The following MSI2 variants were observed in gnomAD, a reference collection of about 807,000 sequenced individuals.
MSI2 encodes RNA-binding protein Musashi homolog 2.
In MSI2, 17 loss-of-function variants were observed where a neutral mutation model predicts 45.6. The ratio of observed to expected loss-of-function variants is 0.37; its 90% CI spans 0.26 to 0.56. The LOEUF (loss-of-function observed/expected upper bound fraction) is 0.56, where lower values mean the gene tolerates loss of function less well. Ranked by LOEUF, MSI2 falls within the 20% of genes least tolerant of loss-of-function variation. MSI2 has a pLI of 0.77. For missense variants in MSI2, 293 were observed against 444.2 expected, an observed-to-expected ratio of 0.66 and a Z score of 3.06; for synonymous variants, 156 against 158.2, an observed-to-expected ratio of 0.99 and a Z score of 0.11.
chr17:57,537,485 A>T (rs2086945931), intron 7 of MSI2, among the ~76,000 whole-genome samples: 1 of 152,240 alleles, frequency 6.6e-6, no homozygotes, highest in African/African-American at 2.4e-5. Context: ...AAATTGGTGC[A>T]AACATGACCT....
At chr17:57,256,898 C>A in intron 1 of MSI2, 94 bp downstream of exon 1, 1 of 514,400 alleles carries the variant, frequency 1.9e-6, no homozygotes, top group Non-Finnish European at 2.9e-6. Flanking sequence ...ATCTCCCGCG[C>A]CCCCCCGCCT....
intron 6 of MSI2, among the ~76,000 whole-genome samples, chr17:57,408,605 G>C (rs4794729): frequency 0.98 from 149,215 of 151,988 alleles, 73,302 homozygotes; most frequent in East Asian, 1. Context: ...GGGCGGGGGG[G>C]CGGTATGAAG....
chr17:57,357,021 G>GC (rs1221168677), intron 5 of MSI2, among the ~76,000 whole-genome samples: 1 of 152,080 alleles, frequency 6.6e-6, no homozygotes, highest in Non-Finnish European at 1.5e-5. Context: ...GCTGCCCAGG[G>GC]CCCATTCAGT....
At chr17:57,488,549 G>A (rs1293969499) in intron 6 of MSI2, among the ~76,000 whole-genome samples, 1 of 152,098 alleles carries the variant, frequency 6.6e-6, no homozygotes, top group Admixed American at 6.5e-5. Flanking sequence ...CTGGCCGGGC[G>A]CAGTGGCTCA....
intron 10 of MSI2, among the ~76,000 whole-genome samples, chr17:57,647,385 G>A (rs370783546): frequency 3.3e-4 from 49 of 150,282 alleles, no homozygotes; most frequent in African/African-American, 1.2e-3. Flanking sequence ...GGAGGCGGAG[G>A]TTGCGGCAAG....
At chr17:57,658,091 C>A (rs1022347430) in intron 11 of MSI2, among the ~76,000 whole-genome samples, 3 of 152,124 alleles carry the variant, frequency 2.0e-5, no homozygotes, top group Admixed American at 6.5e-5. Flanking sequence ...TGATGGGGGG[C>A]GGAGCGGGGG....
At chr17:57,483,568 C>T (rs1357220800) in intron 6 of MSI2, among the ~76,000 whole-genome samples, 1 of 152,142 alleles carries the variant, frequency 6.6e-6, no homozygotes, top group Non-Finnish European at 1.5e-5. Context: ...CAGGAAGCCA[C>T]CACCCTTACC....
chr17:57,666,866 C>T (rs191712177), intron 11 of MSI2, among the ~76,000 whole-genome samples: 27 of 152,094 alleles, frequency 1.8e-4, no homozygotes, highest in Admixed American at 7.2e-4. Context: ...AAAAAAGAGA[C>T]GAGTGTGCTT....
intron 2 of MSI2, 73 bp downstream of exon 2, chr17:57,257,211 T>TCGGGGGGGGGG: frequency 1.8e-6 from 1 of 569,830 alleles, no homozygotes; most frequent in Non-Finnish European, 2.6e-6. Context: ...TATCCCGGTG[T>TCGGGGGGGGGG]AGGAGCCCCC....
chr17:57,695,890 C>T, the MSI2 span, among the ~76,000 whole-genome samples: 6 of 152,194 alleles, frequency 3.9e-5, no homozygotes, highest in African/African-American at 7.2e-5. Flanking sequence ...TTTCCTCACA[C>T]GGCCTCTCCT....
rs574135141 is a variant in MSI2, at chr17:57,430,720, A to G, written c.405+29249A>G. Among the ~76,000 whole-genome samples the G allele has an allele frequency of 2.0e-5, 3 of 152,178 alleles. No individual in the cohort carries two copies. The East Asian group carries it at 5.8e-4, about 29-fold the overall frequency. Reference sequence around the variant, plus strand: ...CTAAGCACCCACTTTTCCCTGGCCCATGTGCTGGTGGCCCTGAGTTTCTAG... The same window carrying G: ...CTAAGCACCCACTTTTCCCTGGCCCGTGTGCTGGTGGCCCTGAGTTTCTAG... On this transcript the variant is annotated intron_variant, in intron 6 of 13. Transcript: ENST00000284073.
intron 5 of MSI2, among the ~76,000 whole-genome samples, chr17:57,270,370 C>G (rs931264324): frequency 6.6e-6 from 1 of 152,244 alleles, no homozygotes; most frequent in East Asian, 1.9e-4. Flanking sequence ...GGACCAAAGT[C>G]TCTCTGAATC....
At chr17:57,401,197 G>A (rs2083983188) in intron 5 of MSI2, among the ~76,000 whole-genome samples, 182 bp from the exon 6 acceptor site, 1 of 152,204 alleles carries the variant, frequency 6.6e-6, no homozygotes, top group African/African-American at 2.4e-5. Context: ...CTGAATGCCT[G>A]AGATATGCAG....
chr17:57,529,592 C>T lies in MSI2; in HGVS notation c.406-84C>T, dbSNP rs1008361410. 8 of 1,249,870 alleles carry T rather than the reference C, an allele frequency of 6.4e-6. No individual in the cohort carries two copies. In the Admixed American group the frequency reaches 7.4e-5, roughly 12 times the overall value. The allele number at this position is 1,249,870 out of a possible 1,614,324, so 77.4% of individuals were successfully genotyped here. ...TATTACTTCTGTAATGGAAACTACC[C>T]CCTCACCCCCCGACATGCATATAAT... On this transcript the variant is annotated intron_variant, in intron 6 of 13. Transcript: ENST00000284073. The surrounding 1 kb of genome is among the most constrained non-coding windows in gnomAD (Gnocchi z 5.3).
At chr17:57,482,377 G>A (rs145615305) in intron 6 of MSI2, among the ~76,000 whole-genome samples, 51 of 152,304 alleles carry the variant, frequency 3.3e-4, no homozygotes, top group South Asian at 1.5e-3. Flanking sequence ...ACTGCCTGCC[G>A]ACAGCCATGC....
intron 6 of MSI2, among the ~76,000 whole-genome samples, chr17:57,427,014 G>T (rs1025536690): frequency 1.3e-5 from 2 of 152,222 alleles, no homozygotes; most frequent in Non-Finnish European, 2.9e-5. Context: ...GGCTGAAGCC[G>T]GGGTGCCCCC....
intron 5 of MSI2, among the ~76,000 whole-genome samples, chr17:57,303,265 G>A (rs1311444409): frequency 1.3e-5 from 2 of 152,220 alleles, no homozygotes; most frequent in African/African-American, 2.4e-5. Context: ...ACACTTGGGG[G>A]AGAGAAGCTG....
chr17:57,613,618 C>T (rs1214336678), intron 8 of MSI2, among the ~76,000 whole-genome samples: 2 of 152,132 alleles, frequency 1.3e-5, no homozygotes, highest in Non-Finnish European at 2.9e-5. Flanking sequence ...CAATTTCCAC[C>T]CCTCCACACT....
intron 6 of MSI2, among the ~76,000 whole-genome samples, chr17:57,488,216 TAAC>T (rs10531809): frequency 0.82 from 123,775 of 151,706 alleles, 50,775 homozygotes; most frequent in East Asian, 0.89. Flanking sequence ...CACTGGTATA[TAAC>T]AACATCAGCT....
Sources: allele counts gnomAD v4.1 joint callset (sites outside exome capture counted in the v4.1 genomes callset), GRCh38; gene constraint gnomAD v4.1.1; non-coding constraint Gnocchi (gnomAD v3.1); transcripts MANE v1.5; gene names NCBI Gene and HGNC (gene_info 2026-07-23, HGNC 2026-07-21).